SLC9A1: variants seen among roughly 807,000 people sequenced by gnomAD.
The protein encoded by SLC9A1 is sodium/hydrogen exchanger 1.
A neutral mutation model predicts 67.9 loss-of-function variants in SLC9A1; 22 were observed. The observed-to-expected ratio is 0.32, with a 90% CI of 0.23 to 0.46. SLC9A1 has a LOEUF of 0.46. Among genes scored for constraint, SLC9A1 ranks in the 20% least tolerant of loss-of-function variants. The pLI, the probability that SLC9A1 is intolerant of heterozygous loss-of-function variation, is 1.00. For missense variants in SLC9A1, 686 were observed against 1,094.8 expected (o/e 0.63, Z 5.27); for synonymous variants, 421 against 471.8 (o/e 0.89, Z 1.40).
In SLC9A1 at chr1:27,107,673, G is replaced by A. The variant is rs1283998348; in HGVS notation, c.1257C>T (p.Leu419=). 2 of 1,561,702 alleles carry A rather than the reference G, an allele frequency of 1.3e-6. No homozygotes were observed. The highest frequency in any genetic ancestry group is 4.7e-5 in the East Asian group (2 of 42,894). The part of the protein sequence containing the change: ...WNWTFVISTL[L]FCLIARVLGV... ...CCAGCACGCGGGCGATGAGGCAGAA[G>A]AGCAGGGTGCTGATGACGAAGGTCC... Residue 419 remains leucine (L), a synonymous_variant, in exon 4 of 12, where the codon CTC becomes CTT. Coordinates refer to ENST00000263980, the MANE Select transcript of SLC9A1 (RefSeq NM_003047.5).
chr1:27,147,725 G>A (rs1432304145), intron 1 of SLC9A1, among the ~76,000 whole-genome samples: 1 of 152,240 alleles, frequency 6.6e-6, no homozygotes. Context: ...GCCAGGAGCA[G>A]TGGCTTACGC....
intron 1 of SLC9A1, among the ~76,000 whole-genome samples, chr1:27,138,379 T>TCTGCCCAGCAAAACAGGTGAGTGAGGCG (rs2083432968): frequency 1.3e-5 from 2 of 152,198 alleles, no homozygotes; most frequent in African/African-American, 4.8e-5. Flanking sequence ...CATGTCTGCC[T>TCTGCCCAGCAAAACAGGTGAGTGAGGCG]TCTTCAGGAC....
chr1:27,144,459 A>G (rs1419908965), intron 1 of SLC9A1, among the ~76,000 whole-genome samples: 1 of 152,166 alleles, frequency 6.6e-6, no homozygotes, highest in Non-Finnish European at 1.5e-5. Flanking sequence ...CCACTTAAAC[A>G]CTGGCTGGCG....
Position 27,154,363 on chromosome 1 carries a change from T to A in SLC9A1, c.-29A>T. On this transcript the variant is annotated 5_prime_UTR_variant, in exon 1 of 12. The change creates a new upstream start codon in the 5' untranslated region. Coordinates refer to ENST00000263980, the MANE Select transcript of SLC9A1 (RefSeq NM_003047.5). The stretch of plus-strand genomic sequence containing the variant: ...GCTGCTTCCAGAGCCAGCCTCGACC[T>A]TACCCAAATGAGAGTAAAACCGGGC... The A allele has an allele frequency of 6.7e-7, 1 of 1,488,672 alleles. No individual in the cohort carries two copies. Among genetic ancestry groups the A allele is most frequent in the Non-Finnish European group, 9.1e-7 (1 of 1,096,106 alleles). 92.2% of individuals were successfully genotyped at this position (1,488,672 alleles called of 1,614,324 possible). A position where few individuals can be genotyped will look rare whatever the true frequency, so the allele number is the denominator to read the frequency against.
rs1338982609 is a variant in SLC9A1, at chr1:27,099,503, G to A, written c.*804C>T. On this transcript the variant is annotated 3_prime_UTR_variant, in exon 12 of 12. Transcript: ENST00000263980. ...AGAGGCAGAGCACTGTTCAGCCAGG[G>A]GTTTTCAAAATGTTTTAAAAACAGG... 1 of 152,812 alleles carries A rather than the reference G, an allele frequency of 6.5e-6. No homozygotes were observed. Among genetic ancestry groups the A allele is most frequent in the Non-Finnish European group, 1.5e-5 (1 of 68,124 alleles). The allele number at this position is 152,812 out of a possible 1,614,324, so 9.5% of individuals were successfully genotyped here. A position where few individuals can be genotyped will look rare whatever the true frequency, so the allele number is the denominator to read the frequency against.
chr1:27,140,119 C>T (rs2083445185), intron 1 of SLC9A1, among the ~76,000 whole-genome samples: 1 of 151,838 alleles, frequency 6.6e-6, no homozygotes, highest in Non-Finnish European at 1.5e-5. Context: ...ACCTTCAGGA[C>T]CCAGCTCAAA....
At chr1:27,120,109 G>A (rs140278244) in intron 1 of SLC9A1, among the ~76,000 whole-genome samples, 77 of 151,970 alleles carry the variant, frequency 5.1e-4, no homozygotes, top group African/African-American at 1.6e-3. Flanking sequence ...TCTGCTGTGG[G>A]GATGGGAGGT....
At chr1:27,148,217 G>A (rs563268708) in intron 1 of SLC9A1, among the ~76,000 whole-genome samples, 46 of 152,132 alleles carry the variant, frequency 3.0e-4, no homozygotes, top group Non-Finnish European at 5.4e-4. Context: ...TCAAAGATTT[G>A]CTGCTCCACA....
chr1:27,148,072 G>T (rs935353941), intron 1 of SLC9A1, among the ~76,000 whole-genome samples: 3 of 151,830 alleles, frequency 2.0e-5, no homozygotes, highest in African/African-American at 7.3e-5. Flanking sequence ...GGGCAACAGA[G>T]AGCTGAGACT....
chr1:27,109,872 ACC>A lies in SLC9A1; in HGVS notation c.814-97_814-96del. The A allele has an allele frequency of 7.1e-7, 1 of 1,416,006 alleles. No homozygotes were observed. 87.7% of individuals were successfully genotyped at this position (1,416,006 alleles called of 1,614,324 possible). A position where few individuals can be genotyped will look rare whatever the true frequency, so the allele number is the denominator to read the frequency against. On this transcript the variant is annotated intron_variant, in intron 2 of 11. Coordinates refer to ENST00000263980, the MANE Select transcript of SLC9A1 (RefSeq NM_003047.5). This position sits in a 1 kb window ranked among gnomAD's most constrained non-coding sequence, Gnocchi z 5.5. ...CAGGGCAATCCTGTCCCCTCCGTTA[ACC>A]ATGGCCACAAGAAGAGGCCACACGG...
intron 5 of SLC9A1, chr1:27,104,076 CT>C (rs776799812): frequency 0.019 from 2,214 of 119,254 alleles, 34 homozygotes; most frequent in African/African-American, 0.061. Flanking sequence ...GCCTCCTCCT[CT>C]TTTTTTTTTT....
At chr1:27,146,222 G>A (rs564185344) in intron 1 of SLC9A1, among the ~76,000 whole-genome samples, 1 of 152,158 alleles carries the variant, frequency 6.6e-6, no homozygotes, top group Non-Finnish European at 1.5e-5. Context: ...TGGGAGAGGC[G>A]GTGAGGAGGA....
Position 27,154,499 on chromosome 1 carries a change from G to C in SLC9A1, c.-165C>G, listed in dbSNP as rs890040974. ...GGAAGCAATTTTCTGGGGGTGGAGG[G>C]AGGCTGGGTTTGCAATCTGGAACTC... On this transcript the variant is annotated 5_prime_UTR_variant, in exon 1 of 12. Transcript: ENST00000263980. 11 of 531,930 alleles carry C rather than the reference G, an allele frequency of 2.1e-5. No homozygotes were observed. The highest frequency in any genetic ancestry group is 2.6e-5 in the Non-Finnish European group (8 of 305,554). 33.0% of individuals were successfully genotyped at this position (531,930 alleles called of 1,614,324 possible).
At chr1:27,138,664 C>T (rs1368058554) in intron 1 of SLC9A1, among the ~76,000 whole-genome samples, 2 of 151,990 alleles carry the variant, frequency 1.3e-5, no homozygotes, top group Non-Finnish European at 2.9e-5. Flanking sequence ...GGCTGGGGAT[C>T]GAGCAAATGC....
In SLC9A1 at chr1:27,107,628, G is replaced by T; in HGVS notation, c.1282+20C>A. The T allele has an allele frequency of 1.6e-6, 1 of 618,782 alleles. No individual in the cohort carries two copies. Among genetic ancestry groups the T allele is most frequent in the Non-Finnish European group, 2.5e-6 (1 of 397,656 alleles). The allele number at this position is 618,782 out of a possible 1,614,324, so 38.3% of individuals were successfully genotyped here. A position where few individuals can be genotyped will look rare whatever the true frequency, so the allele number is the denominator to read the frequency against. ...CACCCCACACCACAACCCCCACCCC[G>T]CCCCAGCCCTGGCCCTCACCCAGCA... On this transcript the variant is annotated intron_variant, in intron 4 of 11. Transcript: ENST00000263980.
At chr1:27,103,708 TAAC>T (rs1405334060) in intron 5 of SLC9A1, 5 of 243,120 alleles carry the variant, frequency 2.1e-5, no homozygotes, top group South Asian at 1.8e-4. Context: ...GACCGAGTAA[TAAC>T]AGCAGCAGCA....
chr1:27,101,998 T>G lies in SLC9A1; in HGVS notation c.1935+18A>C, dbSNP rs1267658104. 6.3e-7 allele frequency: 1 copy of G among 1,585,104 alleles called. No individual in the cohort carries two copies. The highest frequency in any genetic ancestry group is 2.2e-5 in the East Asian group (1 of 44,742). ...GGCTCCTGTACCCTGGGGGTCGGGC[T>G]GGGGAGCAGGCCCTCACCCGCTGCC... On this transcript the variant is annotated intron_variant, in intron 9 of 11. Coordinates refer to ENST00000263980, the MANE Select transcript of SLC9A1 (RefSeq NM_003047.5). The surrounding 1 kb of genome is among the most constrained non-coding windows in gnomAD (Gnocchi z 4.9).
At chr1:27,113,705 A>G in intron 2 of SLC9A1, 121 bp downstream of exon 2, 1 of 764,264 alleles carries the variant, frequency 1.3e-6, no homozygotes, top group South Asian at 1.7e-5. Context: ...GCATACGGGA[A>G]GCGGGAATGT....
chr1:27,109,749 G>C lies in SLC9A1; in HGVS notation c.842C>G (p.Ala281Gly). ...VVLYHLFEEF[A>G]NYEHVGIVDI... ...CACGATGCCCACGTGTTCGTAGTTG[G>C]CAAACTCCTCAAAGAGGTGATACAG... Residue 281 changes from alanine (A) to glycine (G), a missense_variant, in exon 3 of 12, where the codon GCC becomes GGC. Physicochemically the swap from Ala to Gly is moderately conservative, Grantham distance 60 (BLOSUM62 0). Transcript: ENST00000263980. The surrounding 1 kb of genome is among the most constrained non-coding windows in gnomAD (Gnocchi z 5.5). 1 of 1,614,036 alleles carries C rather than the reference G, an allele frequency of 6.2e-7. No homozygotes were observed. Among genetic ancestry groups the C allele is most frequent in the Non-Finnish European group, 8.5e-7 (1 of 1,180,018 alleles).
Sources: gnomAD v4.1 joint callset for allele counts (sites outside exome capture counted in the v4.1 genomes callset) on GRCh38, gnomAD v4.1.1 for gene constraint, Gnocchi (gnomAD v3.1) non-coding constraint, MANE v1.5 for transcripts, NCBI Gene and HGNC (gene_info 2026-07-23, HGNC 2026-07-21) for gene names.